Variants in RABGAP1 observed in about 807,000 individuals in gnomAD.
RABGAP1 encodes the protein RAB GTPase activating protein 1, also known as rab GTPase-activating protein 1.
In RABGAP1, 23 loss-of-function variants were observed where a neutral mutation model predicts 137.6. The ratio of observed to expected loss-of-function variants is 0.17; its 90% CI spans 0.12 to 0.24. RABGAP1 has a LOEUF of 0.24. RABGAP1 is among the 10% of genes least tolerant of loss of function. The probability of loss-of-function intolerance (pLI) is 1.00; values close to 1 mark genes in which losing one functional copy is unlikely to be tolerated. For synonymous variants in RABGAP1, 451 were observed against 450.7 expected (o/e 1.00, Z -0.01); for missense variants, 906 against 1,275.8 (o/e 0.71, Z 4.42).
intron 16 of RABGAP1, 141 bp downstream of exon 16, chr9:123,073,818 A>C: frequency 8.6e-7 from 1 of 1,157,348 alleles, no homozygotes; most frequent in Non-Finnish European, 1.2e-6. Flanking sequence ...ATCCTTTATC[A>C]CTATGTGATT....
intron 2 of RABGAP1, among the ~76,000 whole-genome samples, chr9:122,963,646 A>G (rs1347746182): frequency 6.6e-6 from 1 of 152,178 alleles, no homozygotes; most frequent in Non-Finnish European, 1.5e-5. Flanking sequence ...TATAGCTGTT[A>G]AGTGCCTATA....
At chr9:122,990,786 AAAAAAAAAAAATATATATATATATAT>A (rs1836647575) in intron 6 of RABGAP1, 4 of 80,696 alleles carry the variant, frequency 5.0e-5, no homozygotes, top group South Asian at 4.9e-4. Context: ...AAAAAAAAAA[AAAAAAAAAAAATATATATATATATAT>A]ATATATATAT....
rs143163852 is a variant in RABGAP1 at position 123,082,969 on chromosome 9, C to A, written c.2424+6207C>A. Among the ~76,000 whole-genome samples the A allele has an allele frequency of 4.6e-5, 7 of 152,280 alleles. No individual in the cohort carries two copies. The South Asian group carries it at 1.5e-3, about 32-fold the overall frequency. ...TTAGATTTAAGCTCTCTGAGGGCAG[C>A]GACTTCATCCGTCTTGTTTGTTGAT... is the stretch of plus-strand genomic sequence containing the variant. On this transcript the variant is annotated intron_variant, in intron 19 of 25. Coordinates refer to ENST00000373647, the MANE Select transcript of RABGAP1 (RefSeq NM_012197.4).
At chr9:122,986,915 T>A (rs1836400051) in intron 4 of RABGAP1, among the ~76,000 whole-genome samples, 1 of 152,038 alleles carries the variant, frequency 6.6e-6, no homozygotes, top group South Asian at 2.1e-4. Context: ...ATCACTTAAG[T>A]TCAGGGGTTC....
intron 1 of RABGAP1, among the ~76,000 whole-genome samples, chr9:122,955,382 G>A (rs1834458299): frequency 1.3e-5 from 2 of 152,132 alleles, no homozygotes; most frequent in South Asian, 4.1e-4. Flanking sequence ...TTCAATGAAT[G>A]GATTAAGTGA....
In RABGAP1 at chr9:123,005,056, CAAAAAAAAAAAA is replaced by C. The variant is rs11421673; in HGVS notation, c.1375-5288_1375-5277del. On this transcript the variant is annotated intron_variant, in intron 10 of 25. Coordinates refer to ENST00000373647, the MANE Select transcript of RABGAP1 (RefSeq NM_012197.4). ...GGGCAACAAGAGTGAAACTCCATCT[CAAAAAAAAAAAA>C]AAAAAAAAACTAAAAAAGTCTTGCA... 1.5e-4 allele frequency among the ~76,000 whole-genome samples: 14 copies of C among 93,862 alleles called. No homozygotes were observed. The East Asian group carries it at 3.0e-3, about 20-fold the overall frequency. 61.6% of individuals were successfully genotyped at this position (93,862 alleles called of 152,430 possible).
chr9:123,015,194 A>G (rs1392656848), intron 11 of RABGAP1, among the ~76,000 whole-genome samples: 1 of 152,122 alleles, frequency 6.6e-6, no homozygotes, highest in Non-Finnish European at 1.5e-5. Context: ...AGTGTTTTAA[A>G]TAAGACATAT....
chr9:122,989,085 C>T (rs1209159535), intron 4 of RABGAP1, among the ~76,000 whole-genome samples: 1 of 151,958 alleles, frequency 6.6e-6, no homozygotes, highest in Non-Finnish European at 1.5e-5. Context: ...CTCCCTAAAA[C>T]ATGATACTAT....
chr9:122,958,430 A>G (rs1834660519), intron 2 of RABGAP1, among the ~76,000 whole-genome samples: 2 of 152,192 alleles, frequency 1.3e-5, no homozygotes, highest in South Asian at 4.1e-4. Flanking sequence ...AAAACAGGAT[A>G]TGTGGATAAA....
intron 9 of RABGAP1, among the ~76,000 whole-genome samples, chr9:122,997,577 C>G (rs914616024): frequency 7.4e-4 from 57 of 77,362 alleles, no homozygotes; most frequent in Middle Eastern, 0.02. Context: ...TCCTTCCCCT[C>G]TTTCTTTTCT....
chr9:123,073,799 T>A lies in RABGAP1; in HGVS notation c.2109+122T>A, dbSNP rs2270283. On this transcript the variant is annotated intron_variant, in intron 16 of 25. Transcript: ENST00000373647. ...TAGCGATCCGTGGCTAAGGATGGGT[T>A]TCATTTTTATCCTTTATCACTATGT... 2,565 of 1,302,804 alleles carry A rather than the reference T, an allele frequency of 2.0e-3. 31 individuals carry two copies. The East Asian group carries it at 0.033, about 17-fold the overall frequency. The allele number at this position is 1,302,804 out of a possible 1,614,324, so 80.7% of individuals were successfully genotyped here.
At chr9:122,954,000 A>G (rs907049893) in intron 1 of RABGAP1, among the ~76,000 whole-genome samples, 3 of 152,222 alleles carry the variant, frequency 2.0e-5, no homozygotes, top group Non-Finnish European at 4.4e-5. Flanking sequence ...ACCAAAATAT[A>G]TGTCAAGCGG....
the RABGAP1 span, among the ~76,000 whole-genome samples, chr9:122,934,794 T>C: frequency 1.3e-5 from 2 of 152,114 alleles, no homozygotes; most frequent in African/African-American, 4.8e-5. Context: ...CGATTCTCTT[T>C]CTCAGCCTCC....
intron 21 of RABGAP1, among the ~76,000 whole-genome samples, chr9:123,095,307 T>G (rs1190716660): frequency 6.6e-6 from 1 of 152,022 alleles, no homozygotes; most frequent in Non-Finnish European, 1.5e-5. Context: ...TGATTTCTGC[T>G]TTTACTTTCT....
At chr9:122,974,318 T>C (rs1835643322) in intron 2 of RABGAP1, among the ~76,000 whole-genome samples, 1 of 151,252 alleles carries the variant, frequency 6.6e-6, no homozygotes, top group African/African-American at 2.4e-5. Context: ...CGTGGTAAGA[T>C]CCAGAAGCTT....
At position 123,067,168 on chromosome 9, in the gene RABGAP1, T is replaced by C. The variant is rs145297461; in HGVS notation, c.1908+1707T>C. Among the ~76,000 whole-genome samples the C allele has an allele frequency of 4.6e-5, 7 of 152,366 alleles. No individual in the cohort carries two copies. In the East Asian group the frequency reaches 1.3e-3, roughly 29 times the overall value. On this transcript the variant is annotated intron_variant, in intron 14 of 25. Coordinates refer to ENST00000373647, the MANE Select transcript of RABGAP1 (RefSeq NM_012197.4). ...TTGTTGTCTCTTTTTAAATTAAACA[T>C]AGTCCTCCTTTTCTCCCATACCATT...
chr9:123,026,283 C>T (rs1443638732), intron 13 of RABGAP1, among the ~76,000 whole-genome samples: 1 of 152,112 alleles, frequency 6.6e-6, no homozygotes, highest in East Asian at 1.9e-4. Context: ...AAAATAGTGC[C>T]ACTGCACTTC....
At chr9:123,022,521 C>T (rs1351051842) in intron 13 of RABGAP1, among the ~76,000 whole-genome samples, 1 of 151,862 alleles carries the variant, frequency 6.6e-6, no homozygotes, top group Non-Finnish European at 1.5e-5. Context: ...ATTCTCCTGC[C>T]GCAGCCCCCT....
At chr9:123,074,543 AT>A in intron 17 of RABGAP1, 115 bp downstream of exon 17, 1 of 1,173,020 alleles carries the variant, frequency 8.5e-7, no homozygotes, top group Non-Finnish European at 1.2e-6. Flanking sequence ...TAATTATTTT[AT>A]TTTATTGCTA....
Sources: allele counts gnomAD v4.1 joint callset (sites outside exome capture counted in the v4.1 genomes callset), GRCh38; gene constraint gnomAD v4.1.1; transcripts MANE v1.5; gene names NCBI Gene and HGNC (gene_info 2026-07-23, HGNC 2026-07-21).